ATXN1: variants seen among roughly 807,000 people sequenced by gnomAD.
ATXN1 encodes the protein ataxin 1.
In ATXN1, 8 loss-of-function variants were observed where a neutral mutation model predicts 56.4. The ratio of observed to expected loss-of-function variants is 0.14; its 90% CI spans 0.08 to 0.26. ATXN1 has a LOEUF of 0.26. ATXN1 is among the 10% of genes least tolerant of loss of function. ATXN1 has a pLI of 1.00. For missense variants in ATXN1, 987 were observed against 1,106.5 expected, an observed-to-expected ratio of 0.89 and a Z score of 1.53; for synonymous variants, 514 against 494.6, an observed-to-expected ratio of 1.04 and a Z score of -0.52.
intron 6 of ATXN1, among the ~76,000 whole-genome samples, chr6:16,438,841 C>T (rs1013825814): frequency 1.3e-5 from 2 of 151,898 alleles, no homozygotes; most frequent in Non-Finnish European, 2.9e-5. Context: ...GTATATAAGC[C>T]CCGTCAGCCA....
chr6:16,451,612 G>A (rs747721717), intron 6 of ATXN1, among the ~76,000 whole-genome samples: 7 of 152,056 alleles, frequency 4.6e-5, no homozygotes, highest in Non-Finnish European at 7.4e-5. Context: ...AAAATTAGCC[G>A]GGCGTGGTGG....
At chr6:16,379,004 GA>G (rs1762199648) in intron 6 of ATXN1, among the ~76,000 whole-genome samples, 1 of 152,174 alleles carries the variant, frequency 6.6e-6, no homozygotes, top group African/African-American at 2.4e-5. Flanking sequence ...CAAAATCATG[GA>G]ACCAACCCAA....
chr6:16,718,474 C>A (rs75114260), intron 2 of ATXN1, among the ~76,000 whole-genome samples: 103 of 152,332 alleles, frequency 6.8e-4, no homozygotes, highest in African/African-American at 2.3e-3. Flanking sequence ...TCCAGAACTT[C>A]TAACCTATAG....
In ATXN1 at chr6:16,385,211, C is replaced by T. The variant is rs143588744; in HGVS notation, c.-160-56741G>A. Among the ~76,000 whole-genome samples the T allele has an allele frequency of 8.0e-4, 122 of 152,248 alleles. 1 individual carries two copies. Among genetic ancestry groups the T allele is most frequent in the African/African-American group, 2.6e-3 (109 of 41,540 alleles). ...TGCCAGGAGGGGAGGAAGGAGGTAACGAGTGCCCTTCTCTCCCCAAGATAT... is the reference window on the plus strand; with the variant it reads ...TGCCAGGAGGGGAGGAAGGAGGTAATGAGTGCCCTTCTCTCCCCAAGATAT... On this transcript the variant is annotated intron_variant, in intron 6 of 7. Transcript: ENST00000436367.
At chr6:16,329,651 T>C (rs1347588716) in intron 6 of ATXN1, among the ~76,000 whole-genome samples, 4 of 152,216 alleles carry the variant, frequency 2.6e-5, no homozygotes, top group Non-Finnish European at 4.4e-5. Context: ...CAAGTTGTCA[T>C]TGAAGTTCCC....
chr6:16,591,468 T>C (rs963240925), intron 3 of ATXN1, among the ~76,000 whole-genome samples: 3 of 152,232 alleles, frequency 2.0e-5, no homozygotes, highest in African/African-American at 7.2e-5. Flanking sequence ...ATGATGCTTA[T>C]GTTTGCGTCA....
At chr6:16,694,759 CCT>C (rs142195406) in intron 2 of ATXN1, among the ~76,000 whole-genome samples, 2,360 of 152,290 alleles carry the variant, frequency 0.015, 51 homozygotes, top group African/African-American at 0.053. Context: ...GGTCCTACTA[CCT>C]CTGTTTGAAC....
At chr6:16,435,865 G>C (rs1259182941) in intron 6 of ATXN1, among the ~76,000 whole-genome samples, 1 of 152,008 alleles carries the variant, frequency 6.6e-6, no homozygotes, top group South Asian at 2.1e-4. Flanking sequence ...GAGTAACAGT[G>C]CTCACCTACT....
intron 6 of ATXN1, among the ~76,000 whole-genome samples, chr6:16,370,650 CAT>C (rs1269089361): frequency 1.3e-5 from 2 of 152,048 alleles, no homozygotes. Context: ...TGTATTTTGG[CAT>C]ATATATATAA....
chr6:16,525,530 G>A (rs1044620742), intron 4 of ATXN1, among the ~76,000 whole-genome samples: 3 of 152,038 alleles, frequency 2.0e-5, no homozygotes, highest in African/African-American at 7.2e-5. Flanking sequence ...GCTGGGAAGG[G>A]TAGTAGGGGG....
chr6:16,457,922 A>G (rs982369368), intron 6 of ATXN1, among the ~76,000 whole-genome samples: 5 of 152,066 alleles, frequency 3.3e-5, no homozygotes, highest in Admixed American at 6.6e-5. Flanking sequence ...CCAACATGGG[A>G]CCTTCTCTCT....
intron 2 of ATXN1, among the ~76,000 whole-genome samples, chr6:16,741,158 C>A (rs1581411602): frequency 6.6e-6 from 1 of 152,078 alleles, no homozygotes; most frequent in Admixed American, 6.6e-5. Flanking sequence ...CTGTTTTCTC[C>A]CCTAGAAAAT....
At chr6:16,446,046 G>A (rs1243570132) in intron 6 of ATXN1, among the ~76,000 whole-genome samples, 2 of 151,758 alleles carry the variant, frequency 1.3e-5, no homozygotes, top group Non-Finnish European at 2.9e-5. Flanking sequence ...CCCAGTAATG[G>A]GATGGCTGGG....
At chr6:16,499,936 C>A (rs563306697) in intron 5 of ATXN1, among the ~76,000 whole-genome samples, 1 of 152,220 alleles carries the variant, frequency 6.6e-6, no homozygotes, top group African/African-American at 2.4e-5. Flanking sequence ...TGGGTTCCAC[C>A]CACAGAGATC....
At chr6:16,635,245 C>T (rs1330067394) in intron 3 of ATXN1, among the ~76,000 whole-genome samples, 1 of 152,086 alleles carries the variant, frequency 6.6e-6, no homozygotes, top group Non-Finnish European at 1.5e-5. Context: ...TAGATGGGAC[C>T]GTTTTGTTGC....
rs567634404 is a variant in ATXN1 at position 16,419,885 on chromosome 6, C to T, written c.-161+66087G>A. ...CCCAACCTCACTCTCAGGGAGGGGA[C>T]GGATGAGGACCGCTCATCCTATCAT... On this transcript the variant is annotated intron_variant, in intron 6 of 7. Transcript: ENST00000436367. Among the ~76,000 whole-genome samples the T allele has an allele frequency of 2.6e-4, 40 of 152,258 alleles. No individual in the cohort carries two copies. The South Asian group carries it at 7.7e-3, about 29-fold the overall frequency.
Position 16,378,565 on chromosome 6 carries a change from A to ATTTC in ATXN1, c.-160-50096_-160-50095insGAAA, listed in dbSNP as rs1762190966. 5.9e-5 allele frequency among the ~76,000 whole-genome samples: 9 copies of ATTTC among 151,294 alleles called. No homozygotes were observed. In the South Asian group the frequency reaches 1.7e-3, roughly 28 times the overall value. ...TATTTATTTATTTATTTATTTATTTATTTATTTATTTAGAGACAGGGTCTC... is the reference window on the plus strand; with the variant it reads ...TATTTATTTATTTATTTATTTATTTATTTCTTTATTTATTTAGAGACAGGGTCTC... On this transcript the variant is annotated intron_variant, in intron 6 of 7. Transcript: ENST00000436367.
At chr6:16,347,306 G>A (rs548906013) in intron 6 of ATXN1, among the ~76,000 whole-genome samples, 1 of 152,282 alleles carries the variant, frequency 6.6e-6, no homozygotes, top group Non-Finnish European at 1.5e-5. Context: ...CCTGAGTCTG[G>A]TGGGGCCTTG....
At chr6:16,502,457 T>G (rs1295827312) in intron 5 of ATXN1, among the ~76,000 whole-genome samples, 1 of 152,210 alleles carries the variant, frequency 6.6e-6, no homozygotes, top group Non-Finnish European at 1.5e-5. Flanking sequence ...AATAATGATA[T>G]CCTTTATCTT....
Sources: allele counts gnomAD v4.1 joint callset (sites outside exome capture counted in the v4.1 genomes callset), GRCh38; gene constraint gnomAD v4.1.1; transcripts MANE v1.5; gene names NCBI Gene and HGNC (gene_info 2026-07-23, HGNC 2026-07-21).